Variants in CCNL2 observed in about 807,000 individuals in gnomAD.
CCNL2 encodes the protein cyclin L2, also known as cyclin-L2.
In CCNL2, 28 loss-of-function variants were observed where a neutral mutation model predicts 59.1. The observed-to-expected ratio is 0.47, with a 90% CI of 0.35 to 0.65. CCNL2 has a LOEUF of 0.65. Among genes scored for constraint, CCNL2 ranks in the 30% least tolerant of loss-of-function variants. The pLI, the probability that CCNL2 is intolerant of heterozygous loss-of-function variation, is 0.00. For missense variants in CCNL2, 714 were observed against 717.4 expected (o/e 1.00, Z 0.05); for synonymous variants, 342 against 288.6 (o/e 1.19, Z -1.88).
intron 5 of CCNL2, chr1:1,392,973 G>A (rs1054421986): frequency 2.9e-6 from 2 of 697,532 alleles, no homozygotes; most frequent in Non-Finnish European, 4.9e-6. Context: ...GCACTTTAGG[G>A]TTCCTTTCTA....
At chr1:1,388,459 TAC>T (rs914705853) in intron 8 of CCNL2, 1 of 449,032 alleles carries the variant, frequency 2.2e-6, no homozygotes, top group Non-Finnish European at 4.5e-6. Flanking sequence ...AGGCGGAGGT[TAC>T]AGTGAGCCGA....
chr1:1,393,214 G>A (rs1490136513), intron 5 of CCNL2, 182 bp downstream of exon 5: 6 of 614,600 alleles, frequency 9.8e-6, no homozygotes, highest in South Asian at 3.8e-5. Flanking sequence ...GCCACCTACC[G>A]TGACTGCCAG....
chr1:1,387,836 G>GCTCCGA lies in CCNL2; in HGVS notation c.1146_1151dup (p.Ser386_Arg387dup), dbSNP rs751738515. The stretch of plus-strand genomic sequence containing the variant: ...TCGAGTAGCTCTGCTCACGGCTCCG[G>GCTCCGA]CTCCGACTCCGACTCTCTCGCCCCT... On this transcript the variant is annotated inframe_insertion, in exon 10 of 11. Transcript: ENST00000400809. 4 of 1,613,614 alleles carry GCTCCGA rather than the reference G, an allele frequency of 2.5e-6. No individual in the cohort carries two copies. The highest frequency in any genetic ancestry group is 1.7e-5 in the Admixed American group (1 of 59,990).
At chr1:1,395,685 T>C (rs1644979905) in intron 3 of CCNL2, 171 bp from the exon 4 acceptor site, 2 of 861,870 alleles carry the variant, frequency 2.3e-6, no homozygotes, top group Admixed American at 5.1e-5. Context: ...CACAGCCCAG[T>C]GCCAACCTCC....
At chr1:1,392,604 GAC>G (rs1644818015) in intron 5 of CCNL2, 1 of 1,440,838 alleles carries the variant, frequency 6.9e-7, no homozygotes, top group South Asian at 1.5e-5. Flanking sequence ...ACCAAAGCAC[GAC>G]AGAGGATTAA....
At chr1:1,390,114 A>AG (rs1491092371) in intron 8 of CCNL2, 116 bp downstream of exon 8, 2 of 128,320 alleles carry the variant, frequency 1.6e-5, no homozygotes, top group African/African-American at 1.0e-4. Flanking sequence ...ACCCTGTCTC[A>AG]AAAAAAAAAA....
chr1:1,399,253 T>C lies in CCNL2; in HGVS notation c.54A>G (p.Ala18=), dbSNP rs1285294006. Residue 18 remains alanine, a synonymous_variant, in exon 1 of 11, where the codon GCA becomes GCG. Transcript: ENST00000400809. ...AGAAGSAAPA[A]AAGAPGSGGA... is the part of the protein sequence containing the mutation. ...CCCCAGATCCCGGGGCGCCGGCCGCTGCCGCGGGAGCTGCCGACCCTGCAG... is the reference window on the plus strand; with the variant it reads ...CCCCAGATCCCGGGGCGCCGGCCGCCGCCGCGGGAGCTGCCGACCCTGCAG... 1.3e-6 allele frequency: 2 copies of C among 1,584,262 alleles called. No homozygotes were observed. Among genetic ancestry groups the C allele is most frequent in the African/African-American group, 1.4e-5 (1 of 71,444 alleles).
rs547237679 is a variant in CCNL2 at position 1,399,290 on chromosome 1, G to C, written c.17C>G (p.Ala6Gly). Residue 6 changes from alanine to glycine, a missense_variant, in exon 1 of 11, where the codon GCG (alanine) becomes GGG (glycine). Ala to Gly is a moderately conservative substitution (Grantham distance 60, BLOSUM62 0). Around this residue, in one of 5 missense-constraint regions of CCNL2, gnomAD observed 270 missense variants for 254.9 expected, o/e 1.06. Transcript: ENST00000400809. ...TGCCGACCCTGCAGCACCAGCCGCC[G>C]CCGCCGCCGCCGCCATTTTGTGCCG... MAAAA[A>G]AAGAAGSAAP... 3 of 1,450,190 alleles carry C rather than the reference G, an allele frequency of 2.1e-6. No individual in the cohort carries two copies. The highest frequency in any genetic ancestry group is 2.7e-6 in the Non-Finnish European group (3 of 1,108,914). 89.8% of individuals were successfully genotyped at this position (1,450,190 alleles called of 1,614,324 possible). A position where few individuals can be genotyped will look rare whatever the true frequency, so the allele number is the denominator to read the frequency against.
chr1:1,392,896 C>T (rs1265532751), intron 5 of CCNL2: 25 of 1,281,544 alleles, frequency 2.0e-5, no homozygotes, highest in Non-Finnish European at 2.2e-5. Flanking sequence ...AAAAATATGA[C>T]CCTTACAGAC....
At chr1:1,396,581 T>G (rs999696435) in intron 3 of CCNL2, among the ~76,000 whole-genome samples, 13 of 136,854 alleles carry the variant, frequency 9.5e-5, no homozygotes, top group Non-Finnish European at 1.9e-4. Flanking sequence ...GTTTTTTTTT[T>G]TTTTTTTTTT....
Position 1,390,319 on chromosome 1 carries a change from T to C in CCNL2, c.917A>G (p.Glu306Gly). The change falls in exon 8 of 11, where the codon GAA (glutamate) becomes GGA (glycine). Residue 306 changes from glutamate to glycine, a missense_variant. Coordinates refer to ENST00000400809, the MANE Select transcript of CCNL2 (RefSeq NM_030937.6). ...GEVEKRKHAI[E>G]EAKAQARGLL... ...GCCCCGGGCTTGGGCCTTTGCCTCT[T>C]CGATAGCGTGCTTTCTTTTTTCCAC... The C allele has an allele frequency of 1.9e-6, 3 of 1,614,006 alleles. No homozygotes were observed. Among genetic ancestry groups the C allele is most frequent in the Middle Eastern group, 3.3e-4 (2 of 6,062 alleles).
In CCNL2 at chr1:1,398,619, G is replaced by A; in HGVS notation, c.341C>T (p.Ser114Phe). ...TACCTCCATGGAGTGCTTCACGAAGGACTTGGTATAAAAGAACCGCTGGAA... is the reference window on the plus strand; with the variant it reads ...TACCTCCATGGAGTGCTTCACGAAGAACTTGGTATAAAAGAACCGCTGGAA... Reference protein sequence around the residue: ...VLFQRFFYTKSFVKHSMEHVS... With the variant: ...VLFQRFFYTKFFVKHSMEHVS... Residue 114 changes from serine (S) to phenylalanine (F), a missense_variant, in exon 2 of 11, where the codon TCC becomes TTC. By Grantham distance (155) the Ser-to-Phe change is radical. Around this residue, in one of 5 missense-constraint regions of CCNL2, gnomAD observed 270 missense variants for 254.9 expected, o/e 1.06. Transcript: ENST00000400809. The A allele has an allele frequency of 3.1e-6, 5 of 1,613,968 alleles. No individual in the cohort carries two copies. The highest frequency in any genetic ancestry group is 3.4e-6 in the Non-Finnish European group (4 of 1,179,954).
chr1:1,389,741 CGAGGTCAG>C (rs1447903995), intron 8 of CCNL2, among the ~76,000 whole-genome samples: 1 of 152,058 alleles, frequency 6.6e-6, no homozygotes, highest in East Asian at 1.9e-4. Context: ...GGGCAGATCA[CGAGGTCAG>C]GAGATCGAGA....
chr1:1,391,023 T>C (rs1358179262), intron 5 of CCNL2, 158 bp from the exon 6 acceptor site: 8 of 882,874 alleles, frequency 9.1e-6, no homozygotes, highest in East Asian at 2.7e-5. Flanking sequence ...CAAGAGTTAA[T>C]GGAGAAATAT....
At chr1:1,390,652 C>T (rs770160058) in intron 6 of CCNL2, 89 bp from the exon 7 acceptor site, 325 of 1,478,904 alleles carry the variant, frequency 2.2e-4, no homozygotes, top group Non-Finnish European at 2.9e-4. Flanking sequence ...CTGTTGGTCA[C>T]GAAAATGCTT....
chr1:1,387,633 GC>G, intron 10 of CCNL2, 51 bp from the exon 11 acceptor site: 1 of 1,428,510 alleles, frequency 7.0e-7, no homozygotes, highest in Non-Finnish European at 9.4e-7. Flanking sequence ...GCCCGGCCAG[GC>G]CCCACACACC....
Position 1,392,675 on chromosome 1 carries a change from G to A in CCNL2, c.659+721C>T, listed in dbSNP as rs754137598. Reference sequence around the variant, plus strand: ...AGTCGGCCATGGCTATGCTATGTGCGTACCACCAGTCTAGAGCCAGCCTTC... The same window carrying A: ...AGTCGGCCATGGCTATGCTATGTGCATACCACCAGTCTAGAGCCAGCCTTC... On this transcript the variant is annotated intron_variant, in intron 5 of 10. Coordinates refer to ENST00000400809, the MANE Select transcript of CCNL2 (RefSeq NM_030937.6). The A allele has an allele frequency of 3.4e-5, 53 of 1,544,940 alleles. 1 individual carries two copies. In the Admixed American group the frequency reaches 5.9e-4, roughly 17 times the overall value.
At chr1:1,393,044 T>C in intron 5 of CCNL2, 1 of 598,012 alleles carries the variant, frequency 1.7e-6, no homozygotes, top group South Asian at 2.0e-5. Context: ...TGGGATGCAA[T>C]GTCAGTGGAG....
chr1:1,395,310 C>T (rs927002517), intron 4 of CCNL2, 84 bp downstream of exon 4: 2 of 1,505,368 alleles, frequency 1.3e-6, no homozygotes, highest in Admixed American at 1.9e-5. Context: ...TCTTCAGAGC[C>T]TTCAACTGCA....
Sources: gnomAD v4.1 joint callset for allele counts (sites outside exome capture counted in the v4.1 genomes callset) on GRCh38, gnomAD v4.1.1 for gene constraint, gnomAD v4.1.1 regional missense constraint, MANE v1.5 for transcripts, NCBI Gene and HGNC (gene_info 2026-07-23, HGNC 2026-07-21) for gene names.